The following CFAP97D2 variants were observed in gnomAD, a reference collection of about 807,000 sequenced individuals.
CFAP97D2 encodes uncharacterized protein CFAP97D2.
At position 114,198,814 on chromosome 13, in the gene CFAP97D2, C is replaced by T. The variant is rs1338548189; in HGVS notation, c.172-1511C>T. Reference sequence around the variant, plus strand: ...GCGTGACAGTGGGTCCCCGTGTGTACGGTCCCCGCTGAGGCGTGACAGCGC... The same window carrying T: ...GCGTGACAGTGGGTCCCCGTGTGTATGGTCCCCGCTGAGGCGTGACAGCGC... On this transcript the variant is annotated intron_variant, in intron 2 of 4. Transcript: ENST00000646158. Among the ~76,000 whole-genome samples the T allele has an allele frequency of 2.9e-5, 2 of 68,554 alleles. 1 individual carries two copies. The highest frequency in any genetic ancestry group is 4.8e-5 in the Non-Finnish European group (2 of 41,776). 45.0% of individuals were successfully genotyped at this position (68,554 alleles called of 152,430 possible).
Position 114,211,982 on chromosome 13 carries a change from T to C in CFAP97D2, c.361T>C (p.Ser121Pro). ...GAAAACACGGCCATTCTGGAAGGAATCACACACTCAGAACCATGGTATGGA... is the reference window on the plus strand; with the variant it reads ...GAAAACACGGCCATTCTGGAAGGAACCACACACTCAGAACCATGGTATGGA... Residue 121 changes from serine (S) to proline (P), a missense_variant, in exon 4 of 5, where the codon TCA becomes CCA. Coordinates refer to ENST00000646158, the Ensembl canonical transcript of CFAP97D2. The surrounding 1 kb of genome is among the most constrained non-coding windows in gnomAD (Gnocchi z 4.2). 1 of 398,744 alleles carries C rather than the reference T, an allele frequency of 2.5e-6. No individual in the cohort carries two copies. Among genetic ancestry groups the C allele is most frequent in the African/African-American group, 2.1e-5 (1 of 48,758 alleles). 24.7% of individuals were successfully genotyped at this position (398,744 alleles called of 1,614,324 possible).
intron 1 of CFAP97D2, among the ~76,000 whole-genome samples, chr13:114,190,278 T>A (rs1482946598): frequency 6.6e-6 from 1 of 152,154 alleles, no homozygotes; most frequent in Non-Finnish European, 1.5e-5. Context: ...CATCGTAACA[T>A]TGTACTGAAA....
rs2080968161 is a variant in CFAP97D2 at position 114,211,950 on chromosome 13, T to C, written c.329T>C (p.Val110Ala). ...AAGAGAGAACAGGAACTTCGCAGAGTGCGGAAGAAAACACGGCCATTCTGG... is the reference window on the plus strand; with the variant it reads ...AAGAGAGAACAGGAACTTCGCAGAGCGCGGAAGAAAACACGGCCATTCTGG... The change falls in exon 4 of 5, where the codon GTG becomes GCG. Residue 110 changes from valine (V) to alanine (A), a missense_variant. Physicochemically the swap from Val to Ala is moderately conservative, Grantham distance 64 (BLOSUM62 0). Coordinates refer to ENST00000646158, the Ensembl canonical transcript of CFAP97D2. The surrounding 1 kb of genome is among the most constrained non-coding windows in gnomAD (Gnocchi z 4.2). 1 of 398,634 alleles carries C rather than the reference T, an allele frequency of 2.5e-6. No individual in the cohort carries two copies. The highest frequency in any genetic ancestry group is 1.3e-4 in the South Asian group (1 of 7,842). The allele number at this position is 398,634 out of a possible 1,614,324, so 24.7% of individuals were successfully genotyped here.
chr13:114,195,748 T>C (rs1288431452), intron 1 of CFAP97D2, among the ~76,000 whole-genome samples: 1 of 151,972 alleles, frequency 6.6e-6, no homozygotes, highest in Non-Finnish European at 1.5e-5. Flanking sequence ...TAAAGTGAGG[T>C]GGATGCAGGG....
chr13:114,196,257 A>G, intron 1 of CFAP97D2, 139 bp from the exon 2 acceptor site: 1 of 396,896 alleles, frequency 2.5e-6, no homozygotes, highest in Admixed American at 4.4e-5. Flanking sequence ...TCCAAATCTA[A>G]GCACGAGCCT....
intron 2 of CFAP97D2, among the ~76,000 whole-genome samples, chr13:114,198,705 G>A (rs1440588317): frequency 0.049 from 3,133 of 63,962 alleles, 173 homozygotes; most frequent in Non-Finnish European, 0.059. Flanking sequence ...TACGGTCCCC[G>A]CTGAGGGGTG....
At chr13:114,195,770 T>C (rs1468383401) in intron 1 of CFAP97D2, among the ~76,000 whole-genome samples, 1 of 152,130 alleles carries the variant, frequency 6.6e-6, no homozygotes, top group South Asian at 2.1e-4. Context: ...CATAACTCAC[T>C]GTATAAAAGG....
At position 114,211,932 on chromosome 13, in the gene CFAP97D2, A is replaced by G. The variant is rs1179024638; in HGVS notation, c.311A>G (p.Glu104Gly). The change falls in exon 4 of 5, where the codon GAA (glutamate) becomes GGA (glycine). Residue 104 changes from glutamate to glycine, a missense_variant. Coordinates refer to ENST00000646158, the Ensembl canonical transcript of CFAP97D2. The surrounding 1 kb of genome is among the most constrained non-coding windows in gnomAD (Gnocchi z 4.2). ...TGGAGTCTGCACAGGGGGAAGAGAG[A>G]ACAGGAACTTCGCAGAGTGCGGAAG... 1.5e-5 allele frequency: 6 copies of G among 398,638 alleles called. No individual in the cohort carries two copies. The East Asian group carries it at 2.1e-4, about 14-fold the overall frequency. 24.7% of individuals were successfully genotyped at this position (398,638 alleles called of 1,614,324 possible).
chr13:114,183,651 A>C (rs141507913), intron 1 of CFAP97D2, among the ~76,000 whole-genome samples: 22 of 152,252 alleles, frequency 1.4e-4, no homozygotes, highest in Admixed American at 7.2e-4. Flanking sequence ...GTGTCTTTAC[A>C]TGGCATAAGA....
intron 3 of CFAP97D2, among the ~76,000 whole-genome samples, chr13:114,206,588 T>C (rs2080941368): frequency 1.3e-5 from 2 of 152,148 alleles, no homozygotes; most frequent in Admixed American, 6.5e-5. Context: ...AGACCACATA[T>C]TAGACGATTC....
intron 3 of CFAP97D2, among the ~76,000 whole-genome samples, chr13:114,201,478 C>T (rs1305319293): frequency 1.3e-5 from 2 of 152,216 alleles, no homozygotes; most frequent in Non-Finnish European, 2.9e-5. Context: ...CAAGCTCAGG[C>T]GGGCCCTGCA....
chr13:114,220,012 C>T (rs1192694393), intron 4 of CFAP97D2, among the ~76,000 whole-genome samples: 1 of 151,970 alleles, frequency 6.6e-6, no homozygotes, highest in East Asian at 1.9e-4. Context: ...CAGCCACGTA[C>T]CAAGCTGGCG....
chr13:114,190,190 T>C (rs1179970470), intron 1 of CFAP97D2, among the ~76,000 whole-genome samples: 1 of 152,108 alleles, frequency 6.6e-6, no homozygotes, highest in East Asian at 1.9e-4. Flanking sequence ...ACATCATACT[T>C]AATACTGAGA....
chr13:114,194,041 C>T (rs1158668410), intron 1 of CFAP97D2, among the ~76,000 whole-genome samples: 1 of 152,232 alleles, frequency 6.6e-6, no homozygotes, highest in Non-Finnish European at 1.5e-5. Flanking sequence ...TTGGAAGGTA[C>T]TAAGAACCAA....
Position 114,207,272 on chromosome 13 carries a change from T to C in CFAP97D2, c.291-4640T>C, listed in dbSNP as rs2080945072. On this transcript the variant is annotated intron_variant, in intron 3 of 4. Transcript: ENST00000646158. The surrounding 1 kb of genome is among the most constrained non-coding windows in gnomAD (Gnocchi z 4.9). ...AATCTAGGGGTTTATTTGCCACCAT[T>C]GAGGACGCTACTGGGATACGGCATG... Among the ~76,000 whole-genome samples, 1 of 152,190 alleles carries C rather than the reference T, an allele frequency of 6.6e-6. No homozygotes were observed. Among genetic ancestry groups the C allele is most frequent in the African/African-American group, 2.4e-5 (1 of 41,430 alleles).
At chr13:114,182,154 G>C (rs1479078210) in intron 1 of CFAP97D2, among the ~76,000 whole-genome samples, 10 of 142,674 alleles carry the variant, frequency 7.0e-5, no homozygotes, top group African/African-American at 2.7e-5. Context: ...TGATAATAAG[G>C]AGAAGGTCAG....
chr13:114,200,558 C>G (rs1200111348), intron 3 of CFAP97D2, 115 bp downstream of exon 3: 1 of 392,806 alleles, frequency 2.5e-6, no homozygotes, highest in Non-Finnish European at 4.5e-6. Flanking sequence ...CGTTTCTGTC[C>G]TCTCCCGAAA....
intron 1 of CFAP97D2, among the ~76,000 whole-genome samples, chr13:114,195,801 G>A (rs1481254055): frequency 6.6e-6 from 1 of 152,084 alleles, no homozygotes; most frequent in Non-Finnish European, 1.5e-5. Context: ...GCTGGGTGCA[G>A]TGGCTCACGC....
intron 4 of CFAP97D2, among the ~76,000 whole-genome samples, chr13:114,220,984 C>T (rs1049049220): frequency 2.0e-5 from 3 of 152,234 alleles, no homozygotes; most frequent in Admixed American, 2.0e-4. Context: ...CATGGTGGCT[C>T]ATGCCTGTAA....
Sources: gnomAD v4.1 joint callset for allele counts (sites outside exome capture counted in the v4.1 genomes callset) on GRCh38, gnomAD v4.1.1 for gene constraint, Gnocchi (gnomAD v3.1) non-coding constraint, MANE v1.5 for transcripts, NCBI Gene and HGNC (gene_info 2026-07-23, HGNC 2026-07-21) for gene names.